MAP4K5: variants seen among roughly 807,000 people sequenced by gnomAD.
MAP4K5 encodes the protein mitogen-activated protein kinase kinase kinase kinase 5.
A neutral mutation model predicts 135.6 loss-of-function variants in MAP4K5; 82 were observed. That is an observed-to-expected ratio of 0.60 (90% CI 0.51 to 0.73). The LOEUF (loss-of-function observed/expected upper bound fraction) is 0.73, where lower values mean the gene tolerates loss of function less well. Ranked by LOEUF, MAP4K5 falls within the 30% of genes least tolerant of loss-of-function variation. The pLI is 0.00. For missense variants in MAP4K5, 907 were observed against 1,010.9 expected, an observed-to-expected ratio of 0.90 and a Z score of 1.39; for synonymous variants, 347 against 335.0, an observed-to-expected ratio of 1.04 and a Z score of -0.39.
At chr14:50,464,657 T>C (rs2036791196) in intron 11 of MAP4K5, among the ~76,000 whole-genome samples, 1 of 152,144 alleles carries the variant, frequency 6.6e-6, no homozygotes, top group Non-Finnish European at 1.5e-5. Flanking sequence ...AAGACATAAA[T>C]TAAAGGTATC....
chr14:50,468,723 A>G lies in MAP4K5; in HGVS notation c.602T>C (p.Ile201Thr). 1 of 1,612,980 alleles carries G rather than the reference A, an allele frequency of 6.2e-7. No individual in the cohort carries two copies. The highest frequency in any genetic ancestry group is 8.5e-7 in the Non-Finnish European group (1 of 1,179,376). The change falls in exon 10 of 33, where the codon ATC becomes ACC. Residue 201 changes from isoleucine (I) to threonine (T), a missense_variant. Ile to Thr is a moderately conservative substitution (Grantham distance 89). Around this residue, in one of 3 missense-constraint regions of MAP4K5, gnomAD observed 690 missense variants for 777.4 expected, o/e 0.89. Transcript: ENST00000682126. The part of the protein sequence containing the change: ...KNGGYNQLCD[I>T]WAVGITAIEL... ...AATTGCTGTTATTCCTACTGCCCAG[A>G]TATCACAGAGTTGGTTGTAGCCACC...
rs558893882 is a variant in MAP4K5 at position 50,429,061 on chromosome 14, C to T, written c.2233+131G>A. 7.6e-4 allele frequency: 458 copies of T among 605,046 alleles called. 1 individual carries two copies. Among genetic ancestry groups the T allele is most frequent in the Non-Finnish European group, 1.1e-3 (383 of 361,318 alleles). 37.5% of individuals were successfully genotyped at this position (605,046 alleles called of 1,614,324 possible). A position where few individuals can be genotyped will look rare whatever the true frequency, so the allele number is the denominator to read the frequency against. ...TTTAGCCATAAGAGGTGATTTTTTT[C>T]GCTTACAAATTACACATGATAAGTA... On this transcript the variant is annotated intron_variant, in intron 29 of 32. Transcript: ENST00000682126.
chr14:50,504,187 C>T (rs1010964600), intron 3 of MAP4K5, among the ~76,000 whole-genome samples: 1 of 152,052 alleles, frequency 6.6e-6, no homozygotes, highest in South Asian at 2.1e-4. Flanking sequence ...ACTTATCCTA[C>T]GTGCCTAAGC....
At chr14:50,509,585 A>C in intron 2 of MAP4K5, among the ~76,000 whole-genome samples, 1 of 152,146 alleles carries the variant, frequency 6.6e-6, no homozygotes, top group Admixed American at 6.5e-5. Flanking sequence ...CAAAGAAAAC[A>C]GTAGTATTTT....
At chr14:50,429,345 A>G (rs2035920658) in intron 28 of MAP4K5, 85 bp from the exon 29 acceptor site, 3 of 763,130 alleles carry the variant, frequency 3.9e-6, no homozygotes, top group Non-Finnish European at 6.4e-6. Flanking sequence ...TTTTGCTGTG[A>G]CTTAAAATTG....
chr14:50,537,118 G>A (rs2038503382), upstream of MAP4K5, among the ~76,000 whole-genome samples: 1 of 152,210 alleles, frequency 6.6e-6, no homozygotes, highest in Non-Finnish European at 1.5e-5. Context: ...TGGTTTCGTT[G>A]GCTAGGCCCA....
In MAP4K5 at chr14:50,531,012, T is replaced by C. The variant is rs1403616808; in HGVS notation, c.108+930A>G. Among the ~76,000 whole-genome samples, 8 of 152,316 alleles carry C rather than the reference T, an allele frequency of 5.3e-5. No homozygotes were observed. In the East Asian group the frequency reaches 1.5e-3, roughly 29 times the overall value. ...AAGTGTTGTTTGGCACAATGCGATATATATCATGATCAAATCCAATAAACA... is the reference window on the plus strand; with the variant it reads ...AAGTGTTGTTTGGCACAATGCGATACATATCATGATCAAATCCAATAAACA... On this transcript the variant is annotated intron_variant, in intron 2 of 32. Transcript: ENST00000682126.
intron 2 of MAP4K5, among the ~76,000 whole-genome samples, chr14:50,531,661 T>C (rs771876292): frequency 4.6e-5 from 7 of 152,106 alleles, no homozygotes; most frequent in Non-Finnish European, 1.0e-4. Flanking sequence ...AGATTCAAAT[T>C]CCCTTCAATA....
At chr14:50,533,121 T>C (rs2038441540), upstream of MAP4K5, 1 of 152,382 alleles carries the variant, frequency 6.6e-6, no homozygotes, top group Admixed American at 6.5e-5. Context: ...ACCTGCCTTC[T>C]ACTTAGTTCT....
Position 50,440,088 on chromosome 14 carries a change from A to G in MAP4K5, c.1645-15T>C. 1 of 1,370,236 alleles carries G rather than the reference A, an allele frequency of 7.3e-7. No individual in the cohort carries two copies. The allele number at this position is 1,370,236 out of a possible 1,614,324, so 84.9% of individuals were successfully genotyped here. A position where few individuals can be genotyped will look rare whatever the true frequency, so the allele number is the denominator to read the frequency against. ...CGTGGAAATAACTAAGAAAAAGAAG[A>G]TAATTAAGATTCTCTCATTGTCATT... On this transcript the variant is annotated splice_polypyrimidine_tract_variant and intron_variant, in intron 22 of 32. Coordinates refer to ENST00000682126, the MANE Select transcript of MAP4K5 (RefSeq NM_006575.6).
At chr14:50,476,200 T>A in intron 7 of MAP4K5, 30 bp from the exon 8 acceptor site, 2 of 1,478,954 alleles carry the variant, frequency 1.4e-6, no homozygotes, top group Non-Finnish European at 1.8e-6. Context: ...ACAATTAAAT[T>A]AGCATCATAA....
chr14:50,513,025 A>G (rs2037961471), intron 2 of MAP4K5, among the ~76,000 whole-genome samples: 1 of 152,174 alleles, frequency 6.6e-6, no homozygotes, highest in Non-Finnish European at 1.5e-5. Flanking sequence ...CTCAGACTTA[A>G]GATATACTAA....
chr14:50,544,249 G>A (rs2038599774), intron 1 of MAP4K5, among the ~76,000 whole-genome samples: 1 of 152,314 alleles, frequency 6.6e-6, no homozygotes, highest in Admixed American at 6.5e-5. Flanking sequence ...AGGGTTATGG[G>A]AAAGTGGAAG....
intron 15 of MAP4K5, among the ~76,000 whole-genome samples, chr14:50,448,500 A>G (rs1566647829): frequency 6.6e-6 from 1 of 152,058 alleles, no homozygotes; most frequent in Admixed American, 6.5e-5. Context: ...AAGAGCTTAA[A>G]GCTGAGAATC....
intron 9 of MAP4K5, among the ~76,000 whole-genome samples, chr14:50,470,330 A>C (rs1298535786): frequency 6.6e-6 from 1 of 152,174 alleles, no homozygotes; most frequent in Non-Finnish European, 1.5e-5. Flanking sequence ...GGGAAGAGTA[A>C]AGAAAGCTAA....
At chr14:50,548,827 G>C (rs1340775859) in intron 1 of MAP4K5, among the ~76,000 whole-genome samples, 1 of 152,070 alleles carries the variant, frequency 6.6e-6, no homozygotes, top group Non-Finnish European at 1.5e-5. Flanking sequence ...AATTATGAAA[G>C]GGGGCAGAAT....
intron 9 of MAP4K5, among the ~76,000 whole-genome samples, chr14:50,470,621 G>A (rs1032494240): frequency 1.3e-5 from 2 of 150,090 alleles, no homozygotes; most frequent in African/African-American, 4.9e-5. Context: ...CACTCAAAGA[G>A]AGTTCCTGTT....
upstream of MAP4K5, among the ~76,000 whole-genome samples, chr14:50,536,699 C>T (rs1169499619): frequency 1.3e-5 from 2 of 152,184 alleles, no homozygotes; most frequent in African/African-American, 4.8e-5. Flanking sequence ...CTTGTTGGAA[C>T]TGGAGCAAAG....
intron 3 of MAP4K5, among the ~76,000 whole-genome samples, chr14:50,488,934 T>C (rs2037425453): frequency 6.6e-6 from 1 of 152,244 alleles, no homozygotes; most frequent in African/African-American, 2.4e-5. Context: ...ACTATTTTTG[T>C]AGTTTATCCT....
Sources: allele counts gnomAD v4.1 joint callset (sites outside exome capture counted in the v4.1 genomes callset), GRCh38; gene constraint gnomAD v4.1.1; regional missense constraint gnomAD v4.1.1; transcripts MANE v1.5; gene names NCBI Gene and HGNC (gene_info 2026-07-23, HGNC 2026-07-21).